The following ADAMTSL1 variants were observed in gnomAD, a reference collection of about 807,000 sequenced individuals.
The protein encoded by ADAMTSL1 is ADAMTS-like protein 1.
In ADAMTSL1, 126 loss-of-function variants were observed where a neutral mutation model predicts 201.8. The observed-to-expected ratio is 0.62, with a 90% CI of 0.54 to 0.72. The LOEUF is 0.72. ADAMTSL1 is among the 30% of genes least tolerant of loss of function. The probability of loss-of-function intolerance (pLI) is 0.00; values close to 1 mark genes in which losing one functional copy is unlikely to be tolerated. For synonymous variants in ADAMTSL1, 1,121 were observed against 903.4 expected, an observed-to-expected ratio of 1.24 and a Z score of -4.32; for missense variants, 2,679 against 2,277.8, an observed-to-expected ratio of 1.18 and a Z score of -3.59.
intron 1 of ADAMTSL1, among the ~76,000 whole-genome samples, chr9:18,036,526 C>T (rs987931258): frequency 2.0e-5 from 3 of 152,110 alleles, no homozygotes; most frequent in Non-Finnish European, 4.4e-5. Flanking sequence ...ACAATTCTGG[C>T]CATGGTATGT....
chr9:18,361,544 T>G (rs1385664793), intron 2 of ADAMTSL1, among the ~76,000 whole-genome samples: 1 of 152,194 alleles, frequency 6.6e-6, no homozygotes, highest in Non-Finnish European at 1.5e-5. Context: ...GTGTTGTGCC[T>G]TAAAGCAAAC....
intron 4 of ADAMTSL1, among the ~76,000 whole-genome samples, chr9:18,596,621 C>A (rs1294670720): frequency 6.6e-6 from 1 of 152,134 alleles, no homozygotes; most frequent in African/African-American, 2.4e-5. Context: ...CATATGTTAC[C>A]ACCTTTAATC....
At chr9:18,895,052 A>G (rs10963824) in intron 26 of ADAMTSL1, among the ~76,000 whole-genome samples, 18,748 of 152,246 alleles carry the variant, frequency 0.12, 1,255 homozygotes, top group Middle Eastern at 0.22. Context: ...GTGCATATTC[A>G]AACTTGACTG....
At position 18,380,889 on chromosome 9, in the gene ADAMTSL1, T is replaced by A. The variant is rs77273575; in HGVS notation, c.208-123940T>A. On this transcript the variant is annotated intron_variant, in intron 2 of 29. Coordinates refer to the ADAMTSL1 transcript ENST00000680146. ...CTGTTACAAAACGCAGGGAGAGGAATTGATCCTTCCCACCAAAGAGAACCC... is the reference window on the plus strand; with the variant it reads ...CTGTTACAAAACGCAGGGAGAGGAAATGATCCTTCCCACCAAAGAGAACCC... 1.1e-4 allele frequency among the ~76,000 whole-genome samples: 17 copies of A among 152,204 alleles called. No homozygotes were observed. In the East Asian group the frequency reaches 3.1e-3, roughly 28 times the overall value.
At chr9:18,464,726 G>C (rs1232841892) in intron 2 of ADAMTSL1, among the ~76,000 whole-genome samples, 1 of 152,128 alleles carries the variant, frequency 6.6e-6, no homozygotes, top group Non-Finnish European at 1.5e-5. Flanking sequence ...GTTTTATTTT[G>C]TATGTTTATA....
intron 16 of ADAMTSL1, among the ~76,000 whole-genome samples, chr9:18,760,033 T>A (rs4246839): frequency 6.6e-6 from 1 of 152,168 alleles, no homozygotes; most frequent in Non-Finnish European, 1.5e-5. Flanking sequence ...CTCACATGTT[T>A]CTAAGTTACC....
chr9:18,377,408 A>AC (rs1563922196), intron 2 of ADAMTSL1, among the ~76,000 whole-genome samples: 1 of 152,188 alleles, frequency 6.6e-6, no homozygotes, highest in Non-Finnish European at 1.5e-5. Flanking sequence ...CGAGATCTTA[A>AC]TTTTTTCAAG....
At chr9:18,234,475 C>G (rs1010678413) in intron 2 of ADAMTSL1, among the ~76,000 whole-genome samples, 1 of 152,068 alleles carries the variant, frequency 6.6e-6, no homozygotes, top group Non-Finnish European at 1.5e-5. Context: ...AGCTTCGGAG[C>G]TAGTGTACCT....
chr9:18,700,586 G>A (rs995287210), intron 13 of ADAMTSL1, among the ~76,000 whole-genome samples: 1 of 152,052 alleles, frequency 6.6e-6, no homozygotes, highest in Non-Finnish European at 1.5e-5. Context: ...CCCAGAATCA[G>A]GGGAAGGATC....
At chr9:18,474,102 A>T, upstream of ADAMTSL1, 1 of 755,632 alleles carries the variant, frequency 1.3e-6, no homozygotes, top group South Asian at 1.8e-5. Flanking sequence ...CGGTCAGGAA[A>T]TGTGAGAGGG....
chr9:18,688,689 A>AATATATATATAT (rs1554730405), intron 13 of ADAMTSL1, among the ~76,000 whole-genome samples: 30 of 8,640 alleles, frequency 3.5e-3, no homozygotes, highest in Admixed American at 0.012. Context: ...AAAAAAAAAA[A>AATATATATATAT]ATATATATAT....
chr9:17,996,065 A>G (rs1819366546), intron 1 of ADAMTSL1, among the ~76,000 whole-genome samples: 1 of 152,064 alleles, frequency 6.6e-6, no homozygotes, highest in Non-Finnish European at 1.5e-5. Flanking sequence ...GGCTTTTAAT[A>G]CTACTAATAT....
At chr9:18,078,225 T>C (rs1254310992) in intron 1 of ADAMTSL1, among the ~76,000 whole-genome samples, 2 of 152,184 alleles carry the variant, frequency 1.3e-5, no homozygotes, top group East Asian at 1.9e-4. Flanking sequence ...AATAAAACAA[T>C]TTTTTTCTCC....
At chr9:17,937,850 C>T (rs1264065402) in intron 1 of ADAMTSL1, among the ~76,000 whole-genome samples, 1 of 152,082 alleles carries the variant, frequency 6.6e-6, no homozygotes, top group South Asian at 2.1e-4. Context: ...AGGTTTGAAT[C>T]AAAATAATGG....
intron 2 of ADAMTSL1, among the ~76,000 whole-genome samples, chr9:18,373,885 T>G (rs1837166071): frequency 6.6e-6 from 1 of 152,176 alleles, no homozygotes; most frequent in African/African-American, 2.4e-5. Context: ...TCCCCACCTG[T>G]ATCTCCTACC....
At chr9:18,878,626 C>T (rs890697966) in intron 23 of ADAMTSL1, among the ~76,000 whole-genome samples, 13 of 152,330 alleles carry the variant, frequency 8.5e-5, no homozygotes, top group Non-Finnish European at 1.9e-4. Flanking sequence ...TGGGCACTCC[C>T]AGTTTTTTGG....
rs79880307 is a variant in ADAMTSL1 at position 18,361,060 on chromosome 9, C to T, written c.208-143769C>T. Reference sequence around the variant, plus strand: ...AATGTGTTTTGAGCCCGTTGGAATGCAGGAGTTTTATAAAATACAAGATGG... The same window carrying T: ...AATGTGTTTTGAGCCCGTTGGAATGTAGGAGTTTTATAAAATACAAGATGG... On this transcript the variant is annotated intron_variant, in intron 2 of 29. Transcript: ENST00000680146. Among the ~76,000 whole-genome samples the T allele has an allele frequency of 4.1e-4, 62 of 152,146 alleles. 1 individual carries two copies. In the East Asian group the frequency reaches 0.01, roughly 25 times the overall value.
At chr9:18,796,437 C>G (rs1441131438) in intron 20 of ADAMTSL1, 1 of 152,182 alleles carries the variant, frequency 6.6e-6, no homozygotes, top group African/African-American at 2.4e-5. Flanking sequence ...TGTATTTATT[C>G]TTTTCAATTG....
At chr9:18,874,105 T>A (rs942380133) in intron 23 of ADAMTSL1, among the ~76,000 whole-genome samples, 1 of 152,072 alleles carries the variant, frequency 6.6e-6, no homozygotes, top group African/African-American at 2.4e-5. Flanking sequence ...GTTGCTGTAG[T>A]TGTATAGCAG....
Sources: gnomAD v4.1 joint callset for allele counts (sites outside exome capture counted in the v4.1 genomes callset) on GRCh38, gnomAD v4.1.1 for gene constraint, MANE v1.5 for transcripts, NCBI Gene and HGNC (gene_info 2026-07-23, HGNC 2026-07-21) for gene names.